ZNRF3: variants seen among roughly 807,000 people sequenced by gnomAD.
The protein encoded by ZNRF3 is zinc and ring finger 3, also known as E3 ubiquitin-protein ligase ZNRF3.
ZNRF3 carries 23 observed loss-of-function variants against 72.5 expected under a neutral mutation model. That is an observed-to-expected ratio of 0.32 (90% CI 0.23 to 0.45). The LOEUF (loss-of-function observed/expected upper bound fraction) is 0.45, where lower values mean the gene tolerates loss of function less well. Among genes scored for constraint, ZNRF3 ranks in the 20% least tolerant of loss-of-function variants. ZNRF3 has a pLI of 1.00. For missense variants in ZNRF3, 1,169 were observed against 1,272.1 expected (o/e 0.92, Z 1.23); for synonymous variants, 610 against 545.3 (o/e 1.12, Z -1.65).
chr22:28,998,871 C>A (rs1160768322), intron 2 of ZNRF3, among the ~76,000 whole-genome samples: 1 of 152,134 alleles, frequency 6.6e-6, no homozygotes, highest in East Asian at 1.9e-4. Flanking sequence ...CGGCTGGCCA[C>A]CTCCCAGGAC....
intron 1 of ZNRF3, 41 bp downstream of exon 1, chr22:28,884,107 A>T (rs2033719826): frequency 8.8e-7 from 1 of 1,137,016 alleles, no homozygotes; most frequent in African/African-American, 1.7e-5. Context: ...CCTCCGCCAC[A>T]AGATGGCTCC....
intron 1 of ZNRF3, among the ~76,000 whole-genome samples, chr22:28,986,120 A>G (rs1370433121): frequency 6.6e-6 from 1 of 152,202 alleles, no homozygotes; most frequent in Non-Finnish European, 1.5e-5. Flanking sequence ...CTCAAACTCA[A>G]TCACATCTGC....
At position 28,883,961 on chromosome 22, in the gene ZNRF3, G is replaced by C; in HGVS notation, c.195G>C (p.Leu65=). 1 of 1,300,754 alleles carries C rather than the reference G, an allele frequency of 7.7e-7. No homozygotes were observed. 80.6% of individuals were successfully genotyped at this position (1,300,754 alleles called of 1,614,324 possible). The part of the protein sequence containing the change: ...AKETAFVEVV[L]FESSPSGDYT... The stretch of plus-strand genomic sequence containing the variant: ...AGACGGCGTTCGTGGAGGTGGTGCT[G>C]TTCGAGTCGAGCCCAAGCGGCGATT... Residue 65 remains leucine (L), a synonymous_variant, in exon 1 of 9, where the codon CTG becomes CTC. Coordinates refer to ENST00000544604, the MANE Select transcript of ZNRF3 (RefSeq NM_001206998.2). This position sits in a 1 kb window ranked among gnomAD's most constrained non-coding sequence, Gnocchi z 5.5.
At chr22:28,979,478 C>T (rs571857560) in intron 1 of ZNRF3, among the ~76,000 whole-genome samples, 1 of 152,276 alleles carries the variant, frequency 6.6e-6, no homozygotes, top group East Asian at 1.9e-4. Flanking sequence ...TGCTGTGGCC[C>T]CACAGCAAGG....
intron 1 of ZNRF3, among the ~76,000 whole-genome samples, chr22:28,948,380 G>T (rs965745706): frequency 6.7e-6 from 1 of 148,266 alleles, no homozygotes; most frequent in Admixed American, 6.7e-5. Flanking sequence ...TGCCTAGGGT[G>T]GTCTCGAACT....
At chr22:29,023,371 G>C (rs980947401) in intron 2 of ZNRF3, among the ~76,000 whole-genome samples, 1 of 152,178 alleles carries the variant, frequency 6.6e-6, no homozygotes, top group Admixed American at 6.5e-5. Context: ...TCTTGGACAT[G>C]GGACTAGGTG....
At chr22:28,894,446 G>T (rs976503125) in intron 1 of ZNRF3, among the ~76,000 whole-genome samples, 2 of 151,326 alleles carry the variant, frequency 1.3e-5, no homozygotes, top group Non-Finnish European at 2.9e-5. Context: ...AGGTGTATCA[G>T]AGCATGATTC....
chr22:29,032,735 A>G (rs977262900), intron 2 of ZNRF3, among the ~76,000 whole-genome samples: 6 of 152,212 alleles, frequency 3.9e-5, no homozygotes, highest in African/African-American at 1.4e-4. Context: ...ATCAACAAAC[A>G]TTTTTTGGCC....
chr22:29,037,626 G>A (rs1430696718), intron 2 of ZNRF3, among the ~76,000 whole-genome samples: 9 of 152,164 alleles, frequency 5.9e-5, no homozygotes, highest in Non-Finnish European at 1.0e-4. Flanking sequence ...TGTATTTTAA[G>A]GGCGCAAGTG....
chr22:29,013,123 C>T (rs939533883), intron 2 of ZNRF3, among the ~76,000 whole-genome samples: 2 of 152,230 alleles, frequency 1.3e-5, no homozygotes, highest in Non-Finnish European at 2.9e-5. Flanking sequence ...CTGGTTGCCA[C>T]ATGGTAGACA....
chr22:29,007,328 A>G (rs972092335), intron 2 of ZNRF3, among the ~76,000 whole-genome samples: 2 of 152,180 alleles, frequency 1.3e-5, no homozygotes, highest in Non-Finnish European at 2.9e-5. Flanking sequence ...AAGTGGACAA[A>G]ACGTCCCACT....
At chr22:28,944,867 A>G (rs2035020679) in intron 1 of ZNRF3, among the ~76,000 whole-genome samples, 1 of 151,716 alleles carries the variant, frequency 6.6e-6, no homozygotes, top group African/African-American at 2.4e-5. Flanking sequence ...TGGAGGTTGC[A>G]GTGAGTCAAG....
chr22:29,007,183 C>G (rs1170006601), intron 2 of ZNRF3, among the ~76,000 whole-genome samples: 1 of 152,122 alleles, frequency 6.6e-6, no homozygotes, highest in Non-Finnish European at 1.5e-5. Context: ...GAGCAAAGGC[C>G]CCTGGCTCTA....
At chr22:28,966,460 C>T (rs900267164) in intron 1 of ZNRF3, among the ~76,000 whole-genome samples, 2 of 151,968 alleles carry the variant, frequency 1.3e-5, no homozygotes, top group Admixed American at 6.5e-5. Flanking sequence ...AGGAGGTATT[C>T]GAGAATAAAG....
rs1452614758 is a variant in ZNRF3, at chr22:29,053,754, C to T, written c.*132C>T. ...AAAAGTGGTAATAAAGAGAGCCCTC[C>T]TTGTCAACCCAAAATGTGAGCCCCC... is the stretch of plus-strand genomic sequence containing the variant. On this transcript the variant is annotated 3_prime_UTR_variant, in exon 9 of 9. Coordinates refer to ENST00000544604, the MANE Select transcript of ZNRF3 (RefSeq NM_001206998.2). 8 of 854,246 alleles carry T rather than the reference C, an allele frequency of 9.4e-6. No individual in the cohort carries two copies. The highest frequency in any genetic ancestry group is 1.4e-5 in the Non-Finnish European group (8 of 564,846). 52.9% of individuals were successfully genotyped at this position (854,246 alleles called of 1,614,324 possible). A position where few individuals can be genotyped will look rare whatever the true frequency, so the allele number is the denominator to read the frequency against.
At chr22:29,032,734 C>T (rs2123873042) in intron 2 of ZNRF3, among the ~76,000 whole-genome samples, 1 of 152,306 alleles carries the variant, frequency 6.6e-6, no homozygotes, top group African/African-American at 2.4e-5. Context: ...AATCAACAAA[C>T]ATTTTTTGGC....
intron 2 of ZNRF3, among the ~76,000 whole-genome samples, chr22:28,993,214 A>T (rs11704960): frequency 0.25 from 38,285 of 152,136 alleles, 6,023 homozygotes; most frequent in Middle Eastern, 0.39. Flanking sequence ...AGATGTTTTG[A>T]GGAACCCAGT....
intron 1 of ZNRF3, among the ~76,000 whole-genome samples, chr22:28,901,242 G>A (rs2034097068): frequency 6.6e-6 from 1 of 152,084 alleles, no homozygotes; most frequent in African/African-American, 2.4e-5. Flanking sequence ...TCTATTTTCT[G>A]CTCATCGGTC....
chr22:28,987,090 C>T lies in ZNRF3; in HGVS notation c.315C>T (p.Gly105=), dbSNP rs552350261. The T allele has an allele frequency of 2.7e-5, 44 of 1,612,838 alleles. No homozygotes were observed. In the South Asian group the frequency reaches 4.4e-4, roughly 16 times the overall value. Residue 105 remains glycine, a synonymous_variant, in exon 2 of 9, where the codon GGC becomes GGT. Coordinates refer to ENST00000544604, the MANE Select transcript of ZNRF3 (RefSeq NM_001206998.2). ...EGEIVQMHPL[G]LCNNNDEEDL... is the part of the protein sequence containing the mutation. ...TTATTTCCTAGATGCACCCACTGGG[C>T]CTATGTAATAACAATGACGAAGAGG...
Sources: allele counts gnomAD v4.1 joint callset (sites outside exome capture counted in the v4.1 genomes callset), GRCh38; gene constraint gnomAD v4.1.1; non-coding constraint Gnocchi (gnomAD v3.1); transcripts MANE v1.5; gene names NCBI Gene and HGNC (gene_info 2026-07-23, HGNC 2026-07-21).